The following CGNL1 variants were observed in gnomAD, a reference collection of about 807,000 sequenced individuals.
The protein encoded by CGNL1 is cingulin-like protein 1.
CGNL1 carries 132 observed loss-of-function variants against 141.2 expected under a neutral mutation model. The observed-to-expected ratio is 0.93, with a 90% CI of 0.81 to 1.08. The LOEUF (loss-of-function observed/expected upper bound fraction) is 1.08. Ranked by LOEUF, CGNL1 falls within the 50% of genes least tolerant of loss-of-function variation. The pLI is 0.00. For synonymous variants in CGNL1, 690 were observed against 622.1 expected (o/e 1.11, Z -1.63); for missense variants, 1,870 against 1,588.6 (o/e 1.18, Z -3.01).
Position 57,446,597 on chromosome 15 carries a change from C to T in CGNL1, c.1803+4119C>T, listed in dbSNP as rs147829924. Among the ~76,000 whole-genome samples the T allele has an allele frequency of 1.6e-3, 238 of 150,794 alleles. 2 individuals carry two copies. The South Asian group carries it at 0.016, about 10-fold the overall frequency. On this transcript the variant is annotated intron_variant, in intron 4 of 18. Coordinates refer to ENST00000281282, the MANE Select transcript of CGNL1 (RefSeq NM_032866.5). ...GTAGTTTTCTGTTGTAATCAGTCAA[C>T]ATAGTGTATACTCTTAGTGGTCATT... is the stretch of plus-strand genomic sequence containing the variant.
intron 13 of CGNL1, among the ~76,000 whole-genome samples, chr15:57,530,869 A>G (rs1208415273): frequency 1.3e-5 from 2 of 152,234 alleles, no homozygotes; most frequent in African/African-American, 2.4e-5. Flanking sequence ...CAATATTTAT[A>G]TACAAATGCT....
chr15:57,421,816 A>T (rs1178360456), intron 1 of CGNL1, among the ~76,000 whole-genome samples: 1 of 151,768 alleles, frequency 6.6e-6, no homozygotes. Flanking sequence ...TCCTGTGTGG[A>T]CAGGGACAGC....
At chr15:57,383,054 A>G (rs1344998982) in intron 1 of CGNL1, among the ~76,000 whole-genome samples, 2 of 152,126 alleles carry the variant, frequency 1.3e-5, no homozygotes, top group African/African-American at 4.8e-5. Flanking sequence ...CTTCCTTTCT[A>G]TAAACAATGA....
At chr15:57,427,819 A>G (rs1183400000) in intron 1 of CGNL1, among the ~76,000 whole-genome samples, 1 of 152,138 alleles carries the variant, frequency 6.6e-6, no homozygotes. Context: ...CCTAATTTCT[A>G]CTTTTGGAAC....
At chr15:57,453,423 G>A (rs1161387078) in intron 6 of CGNL1, among the ~76,000 whole-genome samples, 1 of 152,124 alleles carries the variant, frequency 6.6e-6, no homozygotes, top group East Asian at 1.9e-4. Context: ...TCCTTTTGGG[G>A]AGAAAATGTC....
intron 1 of CGNL1, among the ~76,000 whole-genome samples, chr15:57,416,680 G>A (rs2062853085): frequency 6.6e-6 from 1 of 152,172 alleles, no homozygotes; most frequent in Non-Finnish European, 1.5e-5. Context: ...ACACACAGAT[G>A]CTTTAGTCAG....
chr15:57,502,656 G>A (rs1334920311), intron 8 of CGNL1, among the ~76,000 whole-genome samples: 1 of 152,150 alleles, frequency 6.6e-6, no homozygotes, highest in Non-Finnish European at 1.5e-5. Flanking sequence ...AGACCAGTGT[G>A]CTCATGAGCC....
intron 1 of CGNL1, among the ~76,000 whole-genome samples, chr15:57,434,488 A>G (rs2063081224): frequency 6.6e-6 from 1 of 152,188 alleles, no homozygotes; most frequent in African/African-American, 2.4e-5. Flanking sequence ...AACTAAAGAC[A>G]TGAATTTCCA....
In CGNL1 at chr15:57,438,325, C is replaced by T; in HGVS notation, c.326C>T (p.Ala109Val). 6.2e-7 allele frequency: 1 copy of T among 1,614,102 alleles called. No individual in the cohort carries two copies. The highest frequency in any genetic ancestry group is 1.6e-4 in the Middle Eastern group (1 of 6,062). The stretch of plus-strand genomic sequence containing the variant: ...CTTCAGCTTCCAGAAAACCCATACG[C>T]CCAGCCTAGCCCAATAAGAAACCTG... ...EELQLPENPY[A>V]QPSPIRNLKQ... The change falls in exon 2 of 19, where the codon GCC becomes GTC. Residue 109 changes from alanine (A) to valine (V), a missense_variant. Coordinates refer to ENST00000281282, the MANE Select transcript of CGNL1 (RefSeq NM_032866.5).
rs541473877 is a variant in CGNL1 at position 57,438,467 on chromosome 15, C to T, written c.468C>T (p.Asp156=). 2 of 1,614,136 alleles carry T rather than the reference C, an allele frequency of 1.2e-6. No homozygotes were observed. The highest frequency in any genetic ancestry group is 1.7e-5 in the Admixed American group (1 of 60,020). ...QRHPELLQPY[D]PEKNELNLQN... is the part of the protein sequence containing the mutation. Reference sequence around the variant, plus strand: ...ATCCAGAGCTTTTGCAACCCTATGACCCTGAAAAGAATGAGTTGAATTTAC... The same window carrying T: ...ATCCAGAGCTTTTGCAACCCTATGATCCTGAAAAGAATGAGTTGAATTTAC... The change falls in exon 2 of 19, where the codon GAC becomes GAT. Residue 156 remains aspartate, a synonymous_variant. Coordinates refer to ENST00000281282, the MANE Select transcript of CGNL1 (RefSeq NM_032866.5).
intron 7 of CGNL1, among the ~76,000 whole-genome samples, chr15:57,459,512 T>C (rs1186056067): frequency 1.3e-5 from 2 of 152,102 alleles, no homozygotes; most frequent in African/African-American, 4.8e-5. Flanking sequence ...CTTCAAAGAT[T>C]TTCTGAAAGG....
chr15:57,394,765 C>T (rs1470140132), intron 1 of CGNL1, among the ~76,000 whole-genome samples: 1 of 152,108 alleles, frequency 6.6e-6, no homozygotes, highest in Non-Finnish European at 1.5e-5. Context: ...TGATCTGAGC[C>T]CCTTGCTTCA....
At chr15:57,530,174 C>G (rs2031870775) in intron 13 of CGNL1, among the ~76,000 whole-genome samples, 1 of 152,222 alleles carries the variant, frequency 6.6e-6, no homozygotes, top group African/African-American at 2.4e-5. Context: ...GGCTTTTAGG[C>G]AAGAAGACAG....
intron 8 of CGNL1, among the ~76,000 whole-genome samples, chr15:57,500,664 AGC>A: frequency 6.6e-6 from 1 of 150,878 alleles, no homozygotes; most frequent in Non-Finnish European, 1.5e-5. Flanking sequence ...GGGAAAAAAA[AGC>A]GTGGAGCGTT....
intron 1 of CGNL1, among the ~76,000 whole-genome samples, chr15:57,382,712 T>A (rs1290273893): frequency 6.6e-6 from 1 of 152,218 alleles, no homozygotes; most frequent in African/African-American, 2.4e-5. Context: ...TGTTTTCCCT[T>A]GCAAATTTAT....
At chr15:57,396,994 T>G in intron 1 of CGNL1, 1 of 152,204 alleles carries the variant, frequency 6.6e-6, no homozygotes, top group East Asian at 1.9e-4. Flanking sequence ...AATCCATGCA[T>G]AGGGCACTGT....
chr15:57,456,168 A>G (rs1358400895), intron 7 of CGNL1, among the ~76,000 whole-genome samples: 1 of 152,182 alleles, frequency 6.6e-6, no homozygotes, highest in African/African-American at 2.4e-5. Flanking sequence ...TCATATCTTA[A>G]TAAAAAGTGG....
intron 1 of CGNL1, among the ~76,000 whole-genome samples, chr15:57,433,745 T>G (rs1437979919): frequency 6.6e-6 from 1 of 151,862 alleles, no homozygotes; most frequent in Non-Finnish European, 1.5e-5. Flanking sequence ...TTGGTGGGGG[T>G]GACTAAAAAG....
At chr15:57,440,756 G>A (rs1468639976) in intron 3 of CGNL1, among the ~76,000 whole-genome samples, 1 of 152,138 alleles carries the variant, frequency 6.6e-6, no homozygotes, top group African/African-American at 2.4e-5. Flanking sequence ...AAAGATAGGA[G>A]GAGTTTCTAC....
Sources: gnomAD v4.1 joint callset for allele counts (sites outside exome capture counted in the v4.1 genomes callset) on GRCh38, gnomAD v4.1.1 for gene constraint, MANE v1.5 for transcripts, NCBI Gene and HGNC (gene_info 2026-07-23, HGNC 2026-07-21) for gene names.